ACTN2: variants seen among roughly 807,000 people sequenced by gnomAD.
The protein encoded by ACTN2 is actinin alpha 2, also known as alpha-actinin-2.
Under a neutral mutation model 113.8 loss-of-function variants are expected in ACTN2, and 39 were observed. The ratio of observed to expected loss-of-function variants is 0.34; its 90% CI spans 0.27 to 0.45. The LOEUF (loss-of-function observed/expected upper bound fraction) is 0.45. ACTN2 is among the 20% of genes least tolerant of loss of function. ACTN2 has a pLI of 1.00. For synonymous variants in ACTN2, 429 were observed against 444.1 expected (o/e 0.97, Z 0.43); for missense variants, 992 against 1,177.9 (o/e 0.84, Z 2.31).
In ACTN2 at chr1:236,686,640, C is replaced by T. The variant is rs374500536; in HGVS notation, c.-34C>T. 15 of 1,535,866 alleles carry T rather than the reference C, an allele frequency of 9.8e-6. No individual in the cohort carries two copies. Among genetic ancestry groups the T allele is most frequent in the East Asian group, 2.7e-5 (1 of 36,772 alleles). On this transcript the variant is annotated 5_prime_UTR_variant, in exon 1 of 21. Transcript: ENST00000366578. ...AGTCAGCCCGTGCGTCCGAGCCCCTCGCGCCCCGCCGCAGCCCCGGCCAAC... is the reference window on the plus strand; with the variant it reads ...AGTCAGCCCGTGCGTCCGAGCCCCTTGCGCCCCGCCGCAGCCCCGGCCAAC...
intron 1 of ACTN2, among the ~76,000 whole-genome samples, chr1:236,695,212 CAA>C (rs375917124): frequency 7.7e-6 from 1 of 129,966 alleles, no homozygotes; most frequent in African/African-American, 3.0e-5. Flanking sequence ...ACTAAAAATA[CAA>C]AAAAAAAAAA....
intron 1 of ACTN2, among the ~76,000 whole-genome samples, chr1:236,699,351 A>C (rs1657608363): frequency 1.3e-5 from 2 of 152,160 alleles, no homozygotes; most frequent in South Asian, 4.1e-4. Context: ...CATGGTCCAT[A>C]TTGTCATTCC....
At chr1:236,715,039 A>G (rs543225770) in intron 1 of ACTN2, among the ~76,000 whole-genome samples, 5 of 152,160 alleles carry the variant, frequency 3.3e-5, no homozygotes. Flanking sequence ...CTGAAGGGAT[A>G]TGCAAGAGAC....
Position 236,763,709 on chromosome 1 carries a change from A to G in ACTN2, c.*1090A>G, listed in dbSNP as rs1453738420. 1 of 152,202 alleles carries G rather than the reference A, an allele frequency of 6.6e-6. No homozygotes were observed. Among genetic ancestry groups the G allele is most frequent in the Non-Finnish European group, 1.5e-5 (1 of 68,060 alleles). 9.4% of individuals were successfully genotyped at this position (152,202 alleles called of 1,614,324 possible). On this transcript the variant is annotated 3_prime_UTR_variant, in exon 21 of 21. Coordinates refer to ENST00000366578, the MANE Select transcript of ACTN2 (RefSeq NM_001103.4). ...GTAGGAATAACTAGATATTTTAGCT[A>G]GTGTGCGGTGTGTGTTCACCCCTGG...
Position 236,716,628 on chromosome 1 carries a change from G to A in ACTN2, c.127-1230G>A, listed in dbSNP as rs977182237. Among the ~76,000 whole-genome samples, 4 of 152,056 alleles carry A rather than the reference G, an allele frequency of 2.6e-5. No homozygotes were observed. In the East Asian group the frequency reaches 5.8e-4, roughly 22 times the overall value. ...AGATCCAGGATGTAGTCCAGTGCTTGGAATATGCTTGTAGGAGGTTATTGT... is the reference window on the plus strand; with the variant it reads ...AGATCCAGGATGTAGTCCAGTGCTTAGAATATGCTTGTAGGAGGTTATTGT... On this transcript the variant is annotated intron_variant, in intron 1 of 20. Transcript: ENST00000366578.
In ACTN2 at chr1:236,686,722, G is replaced by A; in HGVS notation, c.49G>A (p.Asp17Asn). 1.9e-6 allele frequency: 3 copies of A among 1,568,112 alleles called. No individual in the cohort carries two copies. The highest frequency in any genetic ancestry group is 1.2e-5 in the South Asian group (1 of 86,850). ...GCAGTACAACTACGTGTACGACGAG[G>A]ATGAGTACATGATCCAGGAGGAGGA... Reference protein sequence around the residue: ...GVQYNYVYDEDEYMIQEEEWD... With the variant: ...GVQYNYVYDENEYMIQEEEWD... The change falls in exon 1 of 21, where the codon GAT becomes AAT. Residue 17 changes from aspartate (D) to asparagine (N), a missense_variant. Asp to Asn is a conservative substitution (Grantham distance 23, BLOSUM62 1). Coordinates refer to ENST00000366578, the MANE Select transcript of ACTN2 (RefSeq NM_001103.4).
chr1:236,709,754 G>A (rs1422109318), intron 1 of ACTN2, among the ~76,000 whole-genome samples: 1 of 152,144 alleles, frequency 6.6e-6, no homozygotes, highest in African/African-American at 2.4e-5. Context: ...ATGTTCTTCA[G>A]GCCTGCTCAC....
intron 1 of ACTN2, among the ~76,000 whole-genome samples, chr1:236,713,251 G>C (rs1284340591): frequency 2.7e-5 from 4 of 150,898 alleles, no homozygotes; most frequent in Non-Finnish European, 5.9e-5. Flanking sequence ...TTTTGAGACG[G>C]AGTTTCACTC....
intron 1 of ACTN2, among the ~76,000 whole-genome samples, chr1:236,709,220 G>GTATATATATA (rs758619189): frequency 1.5e-3 from 102 of 66,826 alleles, no homozygotes; most frequent in East Asian, 7.1e-3. Flanking sequence ...ACAAATGACT[G>GTATATATATA]TATATATATA....
rs1186352206 is a variant in ACTN2 at position 236,754,403 on chromosome 1, C to G, written c.1974+322C>G. Among the ~76,000 whole-genome samples, 1 of 152,198 alleles carries G rather than the reference C, an allele frequency of 6.6e-6. No homozygotes were observed. Among genetic ancestry groups the G allele is most frequent in the Non-Finnish European group, 1.5e-5 (1 of 68,032 alleles). On this transcript the variant is annotated intron_variant, in intron 16 of 20. Transcript: ENST00000366578. This position sits in a 1 kb window ranked among gnomAD's most constrained non-coding sequence, Gnocchi z 4.9. The stretch of plus-strand genomic sequence containing the variant: ...CTGCAGGGCCTGGATTTCAAACCAT[C>G]TATCCCTACAAGGAGGACACGTGAA...
At chr1:236,688,862 A>G (rs1282537429) in intron 1 of ACTN2, among the ~76,000 whole-genome samples, 1 of 152,126 alleles carries the variant, frequency 6.6e-6, no homozygotes, top group Non-Finnish European at 1.5e-5. Context: ...CATTGTTTCT[A>G]TTGTGGGCTG....
intron 1 of ACTN2, among the ~76,000 whole-genome samples, chr1:236,715,563 A>C (rs898200615): frequency 6.6e-6 from 1 of 152,070 alleles, no homozygotes; most frequent in African/African-American, 2.4e-5. Flanking sequence ...TGACTTGTGC[A>C]ACTGAGGAGC....
chr1:236,690,659 A>G (rs551139471), intron 1 of ACTN2, among the ~76,000 whole-genome samples: 1 of 152,230 alleles, frequency 6.6e-6, no homozygotes. Flanking sequence ...TGTGCGCCGA[A>G]TATTTGTTAA....
Position 236,762,703 on chromosome 1 carries a change from T to A in ACTN2, c.*84T>A. Reference sequence around the variant, plus strand: ...TTGTTTCCTGGAAACTTTGACAAGCTTTATTAAGTTGAGAGAGAGAGAGGG... The same window carrying A: ...TTGTTTCCTGGAAACTTTGACAAGCATTATTAAGTTGAGAGAGAGAGAGGG... On this transcript the variant is annotated 3_prime_UTR_variant, in exon 21 of 21. Coordinates refer to ENST00000366578, the MANE Select transcript of ACTN2 (RefSeq NM_001103.4). 6.6e-7 allele frequency: 1 copy of A among 1,518,242 alleles called. No individual in the cohort carries two copies. The highest frequency in any genetic ancestry group is 8.9e-7 in the Non-Finnish European group (1 of 1,117,390). The allele number at this position is 1,518,242 out of a possible 1,614,324, so 94.0% of individuals were successfully genotyped here.
intron 2 of ACTN2, 80 bp from the exon 3 acceptor site, chr1:236,718,814 G>A (rs1658296938): frequency 7.5e-6 from 12 of 1,596,334 alleles, no homozygotes; most frequent in Admixed American, 3.3e-5. Context: ...GGAAAAGATG[G>A]ATGCTTAGTT....
At chr1:236,749,047 T>C in intron 13 of ACTN2, 77 bp from the exon 14 acceptor site, 1 of 1,490,632 alleles carries the variant, frequency 6.7e-7, no homozygotes, top group South Asian at 1.1e-5. Flanking sequence ...TAGTCTGTTC[T>C]TATGGAACGC....
rs1659494315 is a variant in ACTN2, at chr1:236,754,469, A to G, written c.1974+388A>G. Among the ~76,000 whole-genome samples the G allele has an allele frequency of 1.3e-5, 2 of 152,260 alleles. No homozygotes were observed. The highest frequency in any genetic ancestry group is 2.9e-5 in the Non-Finnish European group (2 of 68,040). On this transcript the variant is annotated intron_variant, in intron 16 of 20. Transcript: ENST00000366578. The surrounding 1 kb of genome is among the most constrained non-coding windows in gnomAD (Gnocchi z 4.9). ...TGCATTTTCAGAACATTTCAGGGACAGTGGTCTTTAAGTAACCCTGTTGTC... is the reference window on the plus strand; with the variant it reads ...TGCATTTTCAGAACATTTCAGGGACGGTGGTCTTTAAGTAACCCTGTTGTC...
intron 13 of ACTN2, chr1:236,748,156 T>C (rs41269357): frequency 0.032 from 9,159 of 282,826 alleles, 186 homozygotes; most frequent in East Asian, 0.089. Context: ...TTGAAGTGAG[T>C]ACATTGATAG....
intron 7 of ACTN2, among the ~76,000 whole-genome samples, chr1:236,734,000 TG>T (rs1309409636): frequency 6.6e-6 from 1 of 152,196 alleles, no homozygotes; most frequent in African/African-American, 2.4e-5. Flanking sequence ...TTGTTTGAGG[TG>T]CAGACTAGGT....
Sources: gnomAD v4.1 joint callset for allele counts (sites outside exome capture counted in the v4.1 genomes callset) on GRCh38, gnomAD v4.1.1 for gene constraint, Gnocchi (gnomAD v3.1) non-coding constraint, MANE v1.5 for transcripts, NCBI Gene and HGNC (gene_info 2026-07-23, HGNC 2026-07-21) for gene names.